The following ZFYVE28 variants were observed in gnomAD, a reference collection of about 807,000 sequenced individuals.
The protein encoded by ZFYVE28 is lateral signaling target protein 2 homolog.
ZFYVE28 carries 40 observed loss-of-function variants against 82.1 expected under a neutral mutation model. The observed-to-expected ratio is 0.49, with a 90% CI of 0.38 to 0.63. The LOEUF (loss-of-function observed/expected upper bound fraction) is 0.63. ZFYVE28 is among the 30% of genes least tolerant of loss of function. The probability of loss-of-function intolerance (pLI) is 0.00; values close to 1 mark genes in which losing one functional copy is unlikely to be tolerated. For missense variants in ZFYVE28, 1,321 were observed against 1,242.1 expected (o/e 1.06, Z -0.96); for synonymous variants, 612 against 546.1 (o/e 1.12, Z -1.68).
In ZFYVE28 at chr4:2,304,333, C is replaced by T; in HGVS notation, c.2007G>A (p.Gly669=). 1.9e-6 allele frequency: 3 copies of T among 1,604,746 alleles called. No homozygotes were observed. The highest frequency in any genetic ancestry group is 2.5e-6 in the Non-Finnish European group (3 of 1,178,894). ...QEPEARELHA[G]SPSAHEAPQA... ...GAGGCGCCTCGTGAGCCGAGGGGCTCCCAGCATGCAGCTCTCTGGCCTCTG... is the reference window on the plus strand; with the variant it reads ...GAGGCGCCTCGTGAGCCGAGGGGCTTCCAGCATGCAGCTCTCTGGCCTCTG... Residue 669 remains glycine, a synonymous_variant, in exon 8 of 13, where the codon GGG becomes GGA. Transcript: ENST00000290974.
chr4:2,353,808 A>C, intron 2 of ZFYVE28, 125 bp downstream of exon 2: 1 of 1,197,272 alleles, frequency 8.4e-7, no homozygotes, highest in South Asian at 2.8e-5. Context: ...TGGCTTCTCT[A>C]GCACCCGACC....
intron 3 of ZFYVE28, among the ~76,000 whole-genome samples, chr4:2,340,564 G>A (rs1722626879): frequency 6.6e-6 from 1 of 152,164 alleles, no homozygotes; most frequent in Admixed American, 6.5e-5. Flanking sequence ...AGCTGCAGGT[G>A]GGCACAGAGC....
chr4:2,286,980 G>C (rs907254605), intron 8 of ZFYVE28: 5 of 152,220 alleles, frequency 3.3e-5, no homozygotes, highest in African/African-American at 4.8e-5. Flanking sequence ...CCTTACAAGA[G>C]ACAGACACAG....
intron 3 of ZFYVE28, among the ~76,000 whole-genome samples, chr4:2,340,765 A>C (rs1358421644): frequency 6.6e-6 from 1 of 152,154 alleles, no homozygotes; most frequent in African/African-American, 2.4e-5. Context: ...GCCTCGGCAG[A>C]GGACACCCCA....
intron 1 of ZFYVE28, among the ~76,000 whole-genome samples, chr4:2,368,660 C>T (rs577311509): frequency 5.8e-4 from 89 of 152,322 alleles, no homozygotes; most frequent in African/African-American, 1.9e-3. Flanking sequence ...CAGCATAAAT[C>T]GGTGCTTCCT....
At chr4:2,289,236 C>G (rs999725224) in intron 8 of ZFYVE28, among the ~76,000 whole-genome samples, 30 of 152,102 alleles carry the variant, frequency 2.0e-4, no homozygotes, top group African/African-American at 6.0e-4. Context: ...GAGCCAAGAT[C>G]ATGCCATTGC....
intron 7 of ZFYVE28, among the ~76,000 whole-genome samples, 177 bp from the exon 8 acceptor site, chr4:2,305,713 C>G (rs115272325): frequency 6.6e-6 from 1 of 152,226 alleles, no homozygotes; most frequent in Non-Finnish European, 1.5e-5. Context: ...AACAAGGCTC[C>G]GGTCTCGCCG....
chr4:2,400,053 C>G (rs1223347433), intron 1 of ZFYVE28, among the ~76,000 whole-genome samples: 1 of 152,242 alleles, frequency 6.6e-6, no homozygotes, highest in Admixed American at 6.5e-5. Flanking sequence ...TGCCTCTCCA[C>G]ATGGAGGGTC....
At chr4:2,276,368 T>TG (rs1385211597) in intron 8 of ZFYVE28, among the ~76,000 whole-genome samples, 1 of 152,158 alleles carries the variant, frequency 6.6e-6, no homozygotes, top group Non-Finnish European at 1.5e-5. Context: ...ACCTTCAGCT[T>TG]GGGGGTGTGG....
rs984280774 is a variant in ZFYVE28 at position 2,409,303 on chromosome 4, C to T, written c.39+8982G>A. On this transcript the variant is annotated intron_variant, in intron 1 of 12. Coordinates refer to ENST00000290974, the MANE Select transcript of ZFYVE28 (RefSeq NM_020972.3). This position sits in a 1 kb window ranked among gnomAD's most constrained non-coding sequence, Gnocchi z 4.4. The stretch of plus-strand genomic sequence containing the variant: ...CCAGAGTCGCCTGCTGCCATCCTCT[C>T]GCTGGAATCCCCGCCACCCACCAGT... Among the ~76,000 whole-genome samples the T allele has an allele frequency of 8.6e-5, 13 of 151,752 alleles. No individual in the cohort carries two copies. In the East Asian group the frequency reaches 1.5e-3, roughly 18 times the overall value.
intron 8 of ZFYVE28, among the ~76,000 whole-genome samples, chr4:2,289,870 C>T (rs141113094): frequency 4.1e-4 from 63 of 152,130 alleles, no homozygotes; most frequent in Middle Eastern, 3.4e-3. Context: ...CAGAAGAACT[C>T]GGCGAACCTG....
In ZFYVE28 at chr4:2,335,157, C is replaced by T. The variant is rs2108853634; in HGVS notation, c.701+548G>A. 6.6e-6 allele frequency among the ~76,000 whole-genome samples: 1 copy of T among 151,988 alleles called. No individual in the cohort carries two copies. Among genetic ancestry groups the T allele is most frequent in the South Asian group, 2.1e-4 (1 of 4,792 alleles). ...TGAGTTCCCTGCTCTCCCAGACGGC[C>T]CCGCTGGCAGGAAAGGTTCCACACA... is the stretch of plus-strand genomic sequence containing the variant. On this transcript the variant is annotated intron_variant, in intron 6 of 12. Coordinates refer to ENST00000290974, the MANE Select transcript of ZFYVE28 (RefSeq NM_020972.3). This position sits in a 1 kb window ranked among gnomAD's most constrained non-coding sequence, Gnocchi z 5.8.
chr4:2,294,623 T>C (rs1268926868), intron 8 of ZFYVE28, among the ~76,000 whole-genome samples: 1 of 152,220 alleles, frequency 6.6e-6, no homozygotes, highest in Non-Finnish European at 1.5e-5. Flanking sequence ...TAAAAAGTTT[T>C]GCTCTTCAAA....
At chr4:2,379,418 G>A (rs1275064706) in intron 1 of ZFYVE28, among the ~76,000 whole-genome samples, 1 of 152,164 alleles carries the variant, frequency 6.6e-6, no homozygotes, top group African/African-American at 2.4e-5. Flanking sequence ...AACAGAATCA[G>A]GAAAAACCAA....
intron 2 of ZFYVE28, among the ~76,000 whole-genome samples, chr4:2,352,003 G>A (rs1055811489): frequency 2.9e-4 from 44 of 152,274 alleles, no homozygotes; most frequent in African/African-American, 1.1e-3. Context: ...GACCCCCAGC[G>A]TATATCATAT....
In ZFYVE28 at chr4:2,320,095, A is replaced by C. The variant is rs777697573; in HGVS notation, c.803+75T>G. On this transcript the variant is annotated intron_variant, in intron 7 of 12. Coordinates refer to ENST00000290974, the MANE Select transcript of ZFYVE28 (RefSeq NM_020972.3). The surrounding 1 kb of genome is among the most constrained non-coding windows in gnomAD (Gnocchi z 5.1). ...GGAGGAGGACCTGGAGGCGGCGGCTAAACATGACTTCAGCGCCCACCTGTG... is the reference window on the plus strand; with the variant it reads ...GGAGGAGGACCTGGAGGCGGCGGCTCAACATGACTTCAGCGCCCACCTGTG... The C allele has an allele frequency of 7.0e-7, 1 of 1,432,734 alleles. No homozygotes were observed. The highest frequency in any genetic ancestry group is 1.4e-5 in the African/African-American group (1 of 71,022). 88.8% of individuals were successfully genotyped at this position (1,432,734 alleles called of 1,614,324 possible). A position where few individuals can be genotyped will look rare whatever the true frequency, so the allele number is the denominator to read the frequency against.
At chr4:2,364,833 T>C (rs1726655507) in intron 1 of ZFYVE28, 1 of 985,372 alleles carries the variant, frequency 1.0e-6, no homozygotes, top group Non-Finnish European at 1.2e-6. Flanking sequence ...TGTTCCGCGA[T>C]ACCGCGATAA....
Position 2,415,451 on chromosome 4 carries a change from T to TACACACACACACACACACAC in ZFYVE28, c.39+2814_39+2833dup, listed in dbSNP as rs58420760. Among the ~76,000 whole-genome samples, 327 of 147,264 alleles carry TACACACACACACACACACAC rather than the reference T, an allele frequency of 2.2e-3. 1 individual carries two copies. Among genetic ancestry groups the TACACACACACACACACACAC allele is most frequent in the African/African-American group, 7.0e-3 (273 of 39,126 alleles). ...GGGCAACATAGTGAGACCCTGTCTC[T>TACACACACACACACACACAC]ACACACACACACACACACACACACA... On this transcript the variant is annotated intron_variant, in intron 1 of 12. Coordinates refer to ENST00000290974, the MANE Select transcript of ZFYVE28 (RefSeq NM_020972.3).
At chr4:2,377,044 C>T (rs552779621) in intron 1 of ZFYVE28, among the ~76,000 whole-genome samples, 10 of 150,536 alleles carry the variant, frequency 6.6e-5, no homozygotes, top group East Asian at 2.0e-4. Context: ...TTTTCTGAGA[C>T]GGAGTCTCGC....
Sources: gnomAD v4.1 joint callset for allele counts (sites outside exome capture counted in the v4.1 genomes callset) on GRCh38, gnomAD v4.1.1 for gene constraint, Gnocchi (gnomAD v3.1) non-coding constraint, MANE v1.5 for transcripts, NCBI Gene and HGNC (gene_info 2026-07-23, HGNC 2026-07-21) for gene names.